The following DSTN variants were observed in gnomAD, a reference collection of about 807,000 sequenced individuals.
The protein encoded by DSTN is destrin.
A neutral mutation model predicts 16.8 loss-of-function variants in DSTN; 10 were observed. That is an observed-to-expected ratio of 0.60 (90% CI 0.37 to 1.01). DSTN has a LOEUF of 1.01. DSTN is among the 50% of genes least tolerant of loss of function. The pLI, the probability that DSTN is intolerant of heterozygous loss-of-function variation, is 0.01. For synonymous variants in DSTN, 57 were observed against 58.9 expected, an observed-to-expected ratio of 0.97 and a Z score of 0.14; for missense variants, 141 against 196.7, an observed-to-expected ratio of 0.72 and a Z score of 1.69.
intron 1 of DSTN, among the ~76,000 whole-genome samples, chr20:17,573,607 C>T (rs2035232826): frequency 1.3e-5 from 2 of 152,128 alleles, no homozygotes; most frequent in South Asian, 2.1e-4. Flanking sequence ...ATATTTTCTA[C>T]TCTACTACTG....
Position 17,570,131 on chromosome 20 carries a change from C to T in DSTN, c.-78C>T. On this transcript the variant is annotated 5_prime_UTR_variant, in exon 1 of 4. Transcript: ENST00000246069. ...CTCAGCGCTGGGTCTCTCGGTCCCG[C>T]AGCCGTGAGGAGGACGGTCTGCATA... 2.6e-6 allele frequency: 4 copies of T among 1,510,136 alleles called. No homozygotes were observed. Among genetic ancestry groups the T allele is most frequent in the Middle Eastern group, 2.3e-4 (1 of 4,432 alleles). 93.5% of individuals were successfully genotyped at this position (1,510,136 alleles called of 1,614,324 possible). A position where few individuals can be genotyped will look rare whatever the true frequency, so the allele number is the denominator to read the frequency against.
At chr20:17,601,190 C>CA in intron 2 of DSTN, 145 bp downstream of exon 2, 4 of 1,050,738 alleles carry the variant, frequency 3.8e-6, no homozygotes, top group Non-Finnish European at 5.2e-6. Context: ...ATAATGTTAC[C>CA]AGGGCTGATG....
At chr20:17,596,938 A>G in intron 1 of DSTN, 1 of 611,338 alleles carries the variant, frequency 1.6e-6, no homozygotes, top group Non-Finnish European at 2.0e-6. Flanking sequence ...TGATTGATGT[A>G]TTTAAAGATT....
chr20:17,597,756 A>G (rs1382458109), intron 1 of DSTN, among the ~76,000 whole-genome samples: 1 of 152,204 alleles, frequency 6.6e-6, no homozygotes, highest in East Asian at 1.9e-4. Flanking sequence ...GTTTTTCAGT[A>G]TATTCACAGT....
chr20:17,586,920 G>C (rs183845223), intron 1 of DSTN, among the ~76,000 whole-genome samples: 2 of 152,280 alleles, frequency 1.3e-5, no homozygotes, highest in Admixed American at 6.5e-5. Context: ...TAGTAAGTCT[G>C]ATTCAACCCT....
At chr20:17,582,228 G>A (rs6044892) in intron 1 of DSTN, among the ~76,000 whole-genome samples, 70 of 151,986 alleles carry the variant, frequency 4.6e-4, no homozygotes, top group African/African-American at 8.0e-4. Context: ...ACAGGTGCGC[G>A]CCACCACGCC....
chr20:17,580,607 T>C (rs1015035275), intron 1 of DSTN, among the ~76,000 whole-genome samples: 2 of 151,984 alleles, frequency 1.3e-5, no homozygotes, highest in African/African-American at 4.8e-5. Flanking sequence ...ATTATCCAGG[T>C]GTGATGGCAC....
intron 1 of DSTN, among the ~76,000 whole-genome samples, chr20:17,588,036 CT>C (rs964876395): frequency 8.5e-5 from 13 of 152,126 alleles, no homozygotes; most frequent in African/African-American, 2.9e-4. Flanking sequence ...TCCCTACTTG[CT>C]TTTTTTCTCT....
chr20:17,594,743 A>G (rs1600708914), intron 1 of DSTN, among the ~76,000 whole-genome samples: 1 of 152,194 alleles, frequency 6.6e-6, no homozygotes, highest in South Asian at 2.1e-4. Flanking sequence ...GTAAGAGGCA[A>G]TGGAAGCTTG....
At chr20:17,604,203 A>G (rs751989673) in intron 2 of DSTN, among the ~76,000 whole-genome samples, 1 of 152,240 alleles carries the variant, frequency 6.6e-6, no homozygotes, top group Non-Finnish European at 1.5e-5. Context: ...CCTTATTAAT[A>G]ATAATGAAAA....
At position 17,571,943 on chromosome 20, in the gene DSTN, T is replaced by A. The variant is rs141139380; in HGVS notation, c.3+1732T>A. Among the ~76,000 whole-genome samples the A allele has an allele frequency of 3.3e-3, 498 of 152,324 alleles. 1 individual carries two copies. The highest frequency in any genetic ancestry group is 0.011 in the African/African-American group (472 of 41,576). On this transcript the variant is annotated intron_variant, in intron 1 of 3. Transcript: ENST00000246069. Reference sequence around the variant, plus strand: ...AGGGAGATCAAGAAGACCTTACAAGTTACTCTTAGAGTTCAGATTATAGAC... The same window carrying A: ...AGGGAGATCAAGAAGACCTTACAAGATACTCTTAGAGTTCAGATTATAGAC...
At chr20:17,601,762 T>G (rs1485191953) in intron 2 of DSTN, among the ~76,000 whole-genome samples, 1 of 151,972 alleles carries the variant, frequency 6.6e-6, no homozygotes, top group African/African-American at 2.4e-5. Flanking sequence ...TCTTGAAATG[T>G]TGTTTAGTTA....
intron 1 of DSTN, among the ~76,000 whole-genome samples, chr20:17,580,186 T>C (rs1372906948): frequency 6.6e-6 from 1 of 152,244 alleles, no homozygotes; most frequent in Non-Finnish European, 1.5e-5. Context: ...ATTCTTGATG[T>C]AAAAATATCA....
intron 1 of DSTN, among the ~76,000 whole-genome samples, chr20:17,570,940 C>T (rs1185163996): frequency 1.3e-5 from 2 of 152,148 alleles, no homozygotes; most frequent in African/African-American, 4.8e-5. Flanking sequence ...GACCTGTAGA[C>T]AGTTGGACTC....
intron 1 of DSTN, among the ~76,000 whole-genome samples, chr20:17,586,083 T>G (rs1051658717): frequency 1.3e-5 from 2 of 152,150 alleles, no homozygotes; most frequent in Non-Finnish European, 2.9e-5. Flanking sequence ...CCTGGAGAGA[T>G]ATATTTTAAT....
chr20:17,592,056 G>T, intron 1 of DSTN: 1 of 985,384 alleles, frequency 1.0e-6, no homozygotes, highest in Non-Finnish European at 1.2e-6. Context: ...GTTGGGCCAG[G>T]CTTTAGGGTT....
At chr20:17,602,700 C>T (rs1454591024) in intron 2 of DSTN, among the ~76,000 whole-genome samples, 1 of 152,106 alleles carries the variant, frequency 6.6e-6, no homozygotes, top group Non-Finnish European at 1.5e-5. Flanking sequence ...ACAGCTGATG[C>T]TTTTTTATGT....
At chr20:17,572,456 C>T (rs2035217816) in intron 1 of DSTN, among the ~76,000 whole-genome samples, 2 of 152,192 alleles carry the variant, frequency 1.3e-5, no homozygotes, top group South Asian at 4.1e-4. Context: ...AGACATCACA[C>T]CTAGACTTGC....
rs2035659484 is a variant in DSTN at position 17,607,922 on chromosome 20, G to A, written c.*776G>A. The stretch of plus-strand genomic sequence containing the variant: ...AAATGATAAAACAGAATATTGACAA[G>A]CTAGGACACCTGTGGTATCTTTAAT... On this transcript the variant is annotated 3_prime_UTR_variant, in exon 4 of 4. Coordinates refer to ENST00000246069, the MANE Select transcript of DSTN (RefSeq NM_006870.4). 1 of 152,214 alleles carries A rather than the reference G, an allele frequency of 6.6e-6. No homozygotes were observed. The highest frequency in any genetic ancestry group is 2.4e-5 in the African/African-American group (1 of 41,456). 9.4% of individuals were successfully genotyped at this position (152,214 alleles called of 1,614,324 possible). A position where few individuals can be genotyped will look rare whatever the true frequency, so the allele number is the denominator to read the frequency against.
Sources: gnomAD v4.1 joint callset for allele counts (sites outside exome capture counted in the v4.1 genomes callset) on GRCh38, gnomAD v4.1.1 for gene constraint, MANE v1.5 for transcripts, NCBI Gene and HGNC (gene_info 2026-07-23, HGNC 2026-07-21) for gene names.